The following ARHGAP10 variants were observed in gnomAD, a reference collection of about 807,000 sequenced individuals.
ARHGAP10 encodes the protein Rho GTPase activating protein 10.
ARHGAP10 carries 87 observed loss-of-function variants against 108.6 expected under a neutral mutation model. The ratio of observed to expected loss-of-function variants is 0.80; its 90% CI spans 0.67 to 0.96. ARHGAP10 has a LOEUF of 0.96. Ranked by LOEUF, ARHGAP10 falls within the 40% of genes least tolerant of loss-of-function variation. The pLI, the probability that ARHGAP10 is intolerant of heterozygous loss-of-function variation, is 0.00. For missense variants in ARHGAP10, 939 were observed against 954.5 expected (o/e 0.98, Z 0.21); for synonymous variants, 347 against 341.1 (o/e 1.02, Z -0.19).
chr4:148,062,054 G>C (rs1182782203), intron 20 of ARHGAP10, among the ~76,000 whole-genome samples: 1 of 152,174 alleles, frequency 6.6e-6, no homozygotes, highest in African/African-American at 2.4e-5. Context: ...AGGTGGGAAC[G>C]CCAGGAAGCA....
At chr4:147,779,464 A>AG (rs1166540819) in intron 1 of ARHGAP10, among the ~76,000 whole-genome samples, 1 of 151,906 alleles carries the variant, frequency 6.6e-6, no homozygotes, top group Non-Finnish European at 1.5e-5. Flanking sequence ...TAGATGGGGA[A>AG]GGGTCCTGAG....
chr4:147,979,345 A>C (rs1415421222), intron 18 of ARHGAP10, among the ~76,000 whole-genome samples: 1 of 152,180 alleles, frequency 6.6e-6, no homozygotes, highest in African/African-American at 2.4e-5. Flanking sequence ...GCTGTGTCAA[A>C]GGTGACTTGG....
chr4:147,845,144 C>T (rs1223872354), intron 3 of ARHGAP10, among the ~76,000 whole-genome samples: 1 of 152,214 alleles, frequency 6.6e-6, no homozygotes, highest in Admixed American at 6.5e-5. Context: ...TTCCCTTGCC[C>T]TTTGCACCAC....
Position 148,072,366 on chromosome 4 carries a change from A to G in ARHGAP10, c.*285A>G. 1 of 355,230 alleles carries G rather than the reference A, an allele frequency of 2.8e-6. No homozygotes were observed. The highest frequency in any genetic ancestry group is 5.1e-6 in the Non-Finnish European group (1 of 197,442). 22.0% of individuals were successfully genotyped at this position (355,230 alleles called of 1,614,324 possible). A position where few individuals can be genotyped will look rare whatever the true frequency, so the allele number is the denominator to read the frequency against. On this transcript the variant is annotated 3_prime_UTR_variant, in exon 23 of 23. Coordinates refer to ENST00000336498, the MANE Select transcript of ARHGAP10 (RefSeq NM_024605.4). ...GATTTTTAATTATCCAGCATATAGA[A>G]TGAGAGGGAGGGCAGCCTTCTGCCA...
chr4:147,897,626 G>A (rs921802243), intron 10 of ARHGAP10, among the ~76,000 whole-genome samples: 8 of 151,994 alleles, frequency 5.3e-5, no homozygotes, highest in Non-Finnish European at 1.2e-4. Context: ...TTAGAACAGT[G>A]GATGACTTCC....
chr4:147,955,496 T>A, intron 16 of ARHGAP10, 122 bp downstream of exon 16: 2 of 830,854 alleles, frequency 2.4e-6, no homozygotes, highest in Non-Finnish European at 3.8e-6. Flanking sequence ...GAAATCGCTT[T>A]AAATGATGTT....
chr4:148,070,641 T>C lies in ARHGAP10; in HGVS notation c.2273-1352T>C, dbSNP rs182545590. Among the ~76,000 whole-genome samples the C allele has an allele frequency of 4.2e-4, 64 of 152,336 alleles. No homozygotes were observed. The East Asian group carries it at 7.5e-3, about 18-fold the overall frequency. On this transcript the variant is annotated intron_variant, in intron 22 of 22. Transcript: ENST00000336498. ...AGAGTAGAATACAGAAAGGAAGGCA[T>C]TGCATGCGCGCAGTGAGGGTAAGAG... is the stretch of plus-strand genomic sequence containing the variant.
chr4:147,954,751 A>G (rs1161706451), intron 15 of ARHGAP10, among the ~76,000 whole-genome samples: 1 of 151,960 alleles, frequency 6.6e-6, no homozygotes, highest in Non-Finnish European at 1.5e-5. Context: ...AAACTACCTT[A>G]TGTAACTTGT....
chr4:147,896,597 T>G (rs1736000908), intron 10 of ARHGAP10, among the ~76,000 whole-genome samples: 1 of 152,168 alleles, frequency 6.6e-6, no homozygotes, highest in African/African-American at 2.4e-5. Context: ...ATCAATTTTG[T>G]TAATATTTTC....
chr4:147,933,203 T>C (rs1450942692), intron 13 of ARHGAP10, among the ~76,000 whole-genome samples: 1 of 152,216 alleles, frequency 6.6e-6, no homozygotes. Context: ...CATATTTCCC[T>C]GAATGTTCTT....
At position 147,982,546 on chromosome 4, in the gene ARHGAP10, C is replaced by CTTT. The variant is rs753773443; in HGVS notation, c.1716+15730_1716+15732dup. Among the ~76,000 whole-genome samples, 494 of 66,242 alleles carry CTTT rather than the reference C, an allele frequency of 7.5e-3. 5 individuals are homozygous for CTTT. The highest frequency in any genetic ancestry group is 0.018 in the African/African-American group (251 of 14,114). The allele number at this position is 66,242 out of a possible 152,430, so 43.5% of individuals were successfully genotyped here. A position where few individuals can be genotyped will look rare whatever the true frequency, so the allele number is the denominator to read the frequency against. ...CATGTGCCATCACACCCAGCTAAAT[C>CTTT]TTTTTTTTTTTTTTTTTTTTTTTTT... On this transcript the variant is annotated intron_variant, in intron 18 of 22. Coordinates refer to ENST00000336498, the MANE Select transcript of ARHGAP10 (RefSeq NM_024605.4).
intron 1 of ARHGAP10, among the ~76,000 whole-genome samples, chr4:147,786,875 T>C (rs1040057236): frequency 1.4e-4 from 21 of 152,222 alleles, no homozygotes; most frequent in African/African-American, 5.1e-4. Flanking sequence ...GCTCCACAGT[T>C]CTCTGCTGTC....
chr4:147,933,912 G>A (rs1231083529), intron 13 of ARHGAP10, among the ~76,000 whole-genome samples: 1 of 152,176 alleles, frequency 6.6e-6, no homozygotes, highest in Non-Finnish European at 1.5e-5. Flanking sequence ...GCAGTGGGAG[G>A]GGCGGGAGCT....
intron 1 of ARHGAP10, among the ~76,000 whole-genome samples, chr4:147,735,210 A>C (rs1728369491): frequency 6.6e-6 from 1 of 152,204 alleles, no homozygotes; most frequent in African/African-American, 2.4e-5. Flanking sequence ...CTTGCCCTTG[A>C]GTTTACTGTC....
At chr4:148,024,580 G>C (rs1340493179) in intron 19 of ARHGAP10, among the ~76,000 whole-genome samples, 1 of 152,186 alleles carries the variant, frequency 6.6e-6, no homozygotes, top group African/African-American at 2.4e-5. Context: ...CTTTTATATT[G>C]CTTAAGACGT....
chr4:147,749,930 A>G (rs895721308), intron 1 of ARHGAP10, among the ~76,000 whole-genome samples: 21 of 152,258 alleles, frequency 1.4e-4, no homozygotes, highest in Non-Finnish European at 2.9e-4. Flanking sequence ...CAGAAACAGA[A>G]TGTATCACTT....
chr4:147,920,571 T>G (rs1470781858), intron 13 of ARHGAP10, among the ~76,000 whole-genome samples: 3 of 152,200 alleles, frequency 2.0e-5, no homozygotes, highest in African/African-American at 7.2e-5. Context: ...TTAACCAGTA[T>G]TTATTAGCAT....
chr4:147,862,530 C>T (rs1308623439), intron 5 of ARHGAP10: 1 of 152,336 alleles, frequency 6.6e-6, no homozygotes, highest in Non-Finnish European at 1.5e-5. Context: ...GCACTTTGCC[C>T]TCTGCAGCTG....
chr4:147,871,038 T>C (rs1734802062), intron 7 of ARHGAP10, among the ~76,000 whole-genome samples: 1 of 151,520 alleles, frequency 6.6e-6, no homozygotes, highest in African/African-American at 2.4e-5. Context: ...CGGCTCACTG[T>C]AAGCTCCGCC....
Sources: gnomAD v4.1 joint callset for allele counts (sites outside exome capture counted in the v4.1 genomes callset) on GRCh38, gnomAD v4.1.1 for gene constraint, MANE v1.5 for transcripts, NCBI Gene and HGNC (gene_info 2026-07-23, HGNC 2026-07-21) for gene names.